Variants in GRIK1 observed in about 807,000 individuals in gnomAD.
GRIK1 encodes the protein glutamate ionotropic receptor kainate type subunit 1.
Under a neutral mutation model 105.7 loss-of-function variants are expected in GRIK1, and 69 were observed. The observed-to-expected ratio is 0.65, with a 90% confidence interval of 0.54 to 0.80. The LOEUF is 0.80. Ranked by LOEUF, GRIK1 falls within the 30% of genes least tolerant of loss-of-function variation. GRIK1 has a pLI of 0.00. For missense variants in GRIK1, 1,109 were observed against 1,167.3 expected (o/e 0.95, Z 0.73); for synonymous variants, 438 against 431.3 (o/e 1.02, Z -0.19).
intron 1 of GRIK1, among the ~76,000 whole-genome samples, chr21:29,764,363 G>A (rs987489341): frequency 6.6e-6 from 1 of 152,120 alleles, no homozygotes; most frequent in Non-Finnish European, 1.5e-5. Flanking sequence ...GGATTTTGTA[G>A]GACAGAACCA....
At chr21:29,817,677 C>A (rs544735319) in intron 1 of GRIK1, among the ~76,000 whole-genome samples, 3 of 152,248 alleles carry the variant, frequency 2.0e-5, no homozygotes, top group South Asian at 4.1e-4. Flanking sequence ...TGGAAACCAA[C>A]TGGACCAAGC....
At chr21:29,586,795 T>C (rs1179862696) in intron 12 of GRIK1, among the ~76,000 whole-genome samples, 1 of 152,214 alleles carries the variant, frequency 6.6e-6, no homozygotes, top group Non-Finnish European at 1.5e-5. Flanking sequence ...GTTTCATGCC[T>C]CCAGGCTCTG....
chr21:29,581,559 G>T lies in GRIK1; in HGVS notation c.1794-16C>A. 7.1e-7 allele frequency: 1 copy of T among 1,412,220 alleles called. No homozygotes were observed. The highest frequency in any genetic ancestry group is 1.0e-6 in the Non-Finnish European group (1 of 996,806). The allele number at this position is 1,412,220 out of a possible 1,614,324, so 87.5% of individuals were successfully genotyped here. A position where few individuals can be genotyped will look rare whatever the true frequency, so the allele number is the denominator to read the frequency against. On this transcript the variant is annotated splice_polypyrimidine_tract_variant and intron_variant, in intron 12 of 17. Transcript: ENST00000327783. Reference sequence around the variant, plus strand: ...GGGTGTAAACCTGTGGTAGTTAACAGAAACAGTCTGTAAATATCAGAGAAA... The same window carrying T: ...GGGTGTAAACCTGTGGTAGTTAACATAAACAGTCTGTAAATATCAGAGAAA...
At chr21:29,899,357 G>T (rs2070301572) in intron 1 of GRIK1, among the ~76,000 whole-genome samples, 2 of 152,166 alleles carry the variant, frequency 1.3e-5, no homozygotes, top group East Asian at 3.9e-4. Flanking sequence ...TCTAAGCTTG[G>T]CTATTATTGC....
intron 16 of GRIK1, among the ~76,000 whole-genome samples, chr21:29,544,485 C>T (rs756338163): frequency 5.9e-5 from 9 of 152,104 alleles, no homozygotes; most frequent in African/African-American, 2.2e-4. Flanking sequence ...ACTCTGTGTG[C>T]TTTTTTCCAG....
chr21:29,826,344 G>C (rs2067456733), intron 1 of GRIK1, among the ~76,000 whole-genome samples: 1 of 152,106 alleles, frequency 6.6e-6, no homozygotes, highest in Non-Finnish European at 1.5e-5. Context: ...TCAGTGCCCA[G>C]ATATGTGGTC....
chr21:29,902,091 C>A (rs1364166916), intron 1 of GRIK1, among the ~76,000 whole-genome samples: 1 of 152,186 alleles, frequency 6.6e-6, no homozygotes, highest in Admixed American at 6.5e-5. Flanking sequence ...TGACAAAATT[C>A]AACAGCCTTT....
intron 17 of GRIK1, 134 bp from the exon 18 acceptor site, chr21:29,537,519 A>T: frequency 1.4e-6 from 1 of 716,766 alleles, no homozygotes; most frequent in Non-Finnish European, 2.3e-6. Context: ...GCCAGTTCCC[A>T]TCACCTCCTC....
intron 1 of GRIK1, among the ~76,000 whole-genome samples, chr21:29,936,023 A>T (rs893534246): frequency 2.6e-5 from 4 of 152,232 alleles, no homozygotes; most frequent in Admixed American, 2.6e-4. Flanking sequence ...TACCAATGAC[A>T]CTGTGAGGTT....
intron 7 of GRIK1, among the ~76,000 whole-genome samples, chr21:29,631,639 T>A (rs2062274647): frequency 6.6e-6 from 1 of 152,154 alleles, no homozygotes; most frequent in African/African-American, 2.4e-5. Flanking sequence ...ATGTGGCTAG[T>A]CAGAACTGAG....
chr21:29,585,522 T>C (rs2091111976), intron 12 of GRIK1, among the ~76,000 whole-genome samples: 1 of 152,158 alleles, frequency 6.6e-6, no homozygotes, highest in Admixed American at 6.5e-5. Context: ...CCTTGCCTGT[T>C]CTACTCATCA....
intron 15 of GRIK1, among the ~76,000 whole-genome samples, chr21:29,560,368 C>CTTTCTTTTT (rs1568813696): frequency 1.4e-4 from 3 of 20,734 alleles, no homozygotes; most frequent in African/African-American, 2.1e-4. Flanking sequence ...TTTCTTTCTT[C>CTTTCTTTTT]CTTCCTTCCT....
intron 4 of GRIK1, among the ~76,000 whole-genome samples, chr21:29,671,833 A>G (rs2063166058): frequency 6.6e-6 from 1 of 152,078 alleles, no homozygotes; most frequent in Non-Finnish European, 1.5e-5. Flanking sequence ...TCCCAAATTC[A>G]ATCATCTGAT....
intron 7 of GRIK1, among the ~76,000 whole-genome samples, chr21:29,623,969 G>T (rs1436722457): frequency 6.6e-6 from 1 of 152,186 alleles, no homozygotes; most frequent in Non-Finnish European, 1.5e-5. Flanking sequence ...ATCTTTGGCT[G>T]AACGTGTTTT....
At chr21:29,835,706 C>T (rs187308023) in intron 1 of GRIK1, among the ~76,000 whole-genome samples, 2 of 152,280 alleles carry the variant, frequency 1.3e-5, no homozygotes, top group East Asian at 1.9e-4. Flanking sequence ...GGGCCCTAAA[C>T]ACAGATAATA....
chr21:29,925,702 T>A (rs189872063), intron 1 of GRIK1, among the ~76,000 whole-genome samples: 71 of 152,310 alleles, frequency 4.7e-4, no homozygotes, highest in Non-Finnish European at 3.2e-4. Flanking sequence ...TTTTGTCTTT[T>A]TAAGTAGCAT....
chr21:29,659,208 G>C (rs2062913438), intron 4 of GRIK1, among the ~76,000 whole-genome samples: 1 of 151,850 alleles, frequency 6.6e-6, no homozygotes, highest in Non-Finnish European at 1.5e-5. Flanking sequence ...ATTCTTTATA[G>C]AATAAAGATA....
intron 1 of GRIK1, among the ~76,000 whole-genome samples, chr21:29,842,168 T>G (rs1274964036): frequency 6.6e-6 from 1 of 152,170 alleles, no homozygotes; most frequent in Non-Finnish European, 1.5e-5. Flanking sequence ...ATCACTCAGG[T>G]TATTCTTTGC....
At chr21:29,833,111 T>A (rs935092565) in intron 1 of GRIK1, among the ~76,000 whole-genome samples, 1 of 152,222 alleles carries the variant, frequency 6.6e-6, no homozygotes, top group Admixed American at 6.5e-5. Context: ...TCTTTGCTAA[T>A]GCATAAGAAA....
Sources: allele counts gnomAD v4.1 joint callset (sites outside exome capture counted in the v4.1 genomes callset), GRCh38; gene constraint gnomAD v4.1.1; transcripts MANE v1.5; gene names NCBI Gene and HGNC (gene_info 2026-07-23, HGNC 2026-07-21).